The following SHC2 variants were observed in gnomAD, a reference collection of about 807,000 sequenced individuals.
The protein encoded by SHC2 is SHC-transforming protein 2.
In SHC2, 62 loss-of-function variants were observed where a neutral mutation model predicts 60.6. That is an observed-to-expected ratio of 1.02 (90% CI 0.83 to 1.26). SHC2 has a LOEUF of 1.26. Among genes scored for constraint, SHC2 ranks in the 50% most tolerant of loss-of-function variants. SHC2 has a pLI of 0.00. For synonymous variants in SHC2, 375 were observed against 372.4 expected (o/e 1.01, Z -0.08); for missense variants, 873 against 822.2 (o/e 1.06, Z -0.76).
rs1975047662 is a variant in SHC2, at chr19:446,231, C to T, written c.469-5299G>A. Among the ~76,000 whole-genome samples, 1 of 152,152 alleles carries T rather than the reference C, an allele frequency of 6.6e-6. No individual in the cohort carries two copies. On this transcript the variant is annotated intron_variant, in intron 1 of 12. Transcript: ENST00000264554. This position sits in a 1 kb window ranked among gnomAD's most constrained non-coding sequence, Gnocchi z 5.4. ...CAGCAGAAACCAGCCCTGCCCACAC[C>T]TTGGCTCGGACGTTGGGCCCCAGAA...
In SHC2 at chr19:440,183, CAG is replaced by C. The variant is rs1484357581; in HGVS notation, c.539+677_539+678del. ...TCCAGGACAGGCCGATCCACAGAGACAGGGAGGGGATGCGTGGGTGCCGGGGC... is the reference window on the plus strand; with the variant it reads ...TCCAGGACAGGCCGATCCACAGAGACGGAGGGGATGCGTGGGTGCCGGGGC... On this transcript the variant is annotated intron_variant, in intron 2 of 12. Coordinates refer to ENST00000264554, the MANE Select transcript of SHC2 (RefSeq NM_012435.3). This position sits in a 1 kb window ranked among gnomAD's most constrained non-coding sequence, Gnocchi z 7.0. Among the ~76,000 whole-genome samples the C allele has an allele frequency of 6.6e-6, 1 of 150,756 alleles. No individual in the cohort carries two copies. The highest frequency in any genetic ancestry group is 1.5e-5 in the Non-Finnish European group (1 of 67,794).
rs111851540 is a variant in SHC2 at position 434,476 on chromosome 19, G to A, written c.1110+233C>T. On this transcript the variant is annotated intron_variant, in intron 8 of 12. Coordinates refer to ENST00000264554, the MANE Select transcript of SHC2 (RefSeq NM_012435.3). ...AGATAGTGAGCAAGTGAGTGAGATC[G>A]TGAGTCTGTGAGTGAGTGAAATCAT... Among the ~76,000 whole-genome samples the A allele has an allele frequency of 3.3e-3, 437 of 133,332 alleles. 3 individuals are homozygous for A. The highest frequency in any genetic ancestry group is 0.011 in the African/African-American group (388 of 35,948). 87.5% of individuals were successfully genotyped at this position (133,332 alleles called of 152,430 possible).
chr19:434,624 G>A (rs1363552075), intron 8 of SHC2, 85 bp downstream of exon 8: 3 of 1,207,360 alleles, frequency 2.5e-6, no homozygotes, highest in Non-Finnish European at 3.2e-6. Flanking sequence ...AGGAGAACAG[G>A]AGCAGAAAGA....
chr19:449,557 T>C (rs2145745280), intron 1 of SHC2, among the ~76,000 whole-genome samples: 1 of 152,320 alleles, frequency 6.6e-6, no homozygotes, highest in African/African-American at 2.4e-5. Context: ...TTAGACTATA[T>C]ACCCTAGCGT....
rs1399442417 is a variant in SHC2 at position 417,334 on chromosome 19, AAG to A, written c.*6-14_*6-13del. The A allele has an allele frequency of 1.3e-5, 2 of 152,622 alleles. No individual in the cohort carries two copies. Among genetic ancestry groups the A allele is most frequent in the Non-Finnish European group, 2.9e-5 (2 of 68,384 alleles). 9.5% of individuals were successfully genotyped at this position (152,622 alleles called of 1,614,324 possible). ...CTGAGAACGGTCACCTGCGGGCAGA[AAG>A]AGAAGGCGAGGTCAGGGCTGAGACG... On this transcript the variant is annotated splice_polypyrimidine_tract_variant and intron_variant, in intron 12 of 12. Coordinates refer to ENST00000264554, the MANE Select transcript of SHC2 (RefSeq NM_012435.3).
In SHC2 at chr19:417,194, T is replaced by A. The variant is rs999034204; in HGVS notation, c.*134A>T. On this transcript the variant is annotated 3_prime_UTR_variant, in exon 13 of 13. Coordinates refer to ENST00000264554, the MANE Select transcript of SHC2 (RefSeq NM_012435.3). ...GAGGAAGGACCATGCCAGAGGCTCA[T>A]GCGGAGGAAGGAGAGGCAGCGGTGG... The A allele has an allele frequency of 6.5e-6, 1 of 152,864 alleles. No individual in the cohort carries two copies. The highest frequency in any genetic ancestry group is 2.4e-5 in the African/African-American group (1 of 41,418). 9.5% of individuals were successfully genotyped at this position (152,864 alleles called of 1,614,324 possible).
chr19:435,283 C>T (rs898683218), intron 7 of SHC2, among the ~76,000 whole-genome samples: 1 of 152,260 alleles, frequency 6.6e-6, no homozygotes, highest in Non-Finnish European at 1.5e-5. Context: ...GCAGGTGCTC[C>T]TCAGCAAGCA....
At chr19:458,749 G>A (rs1018269679) in intron 1 of SHC2, among the ~76,000 whole-genome samples, 1 of 146,826 alleles carries the variant, frequency 6.8e-6, no homozygotes, top group Admixed American at 6.8e-5. Context: ...GGAGGCGGAA[G>A]CGGGTCCCGG....
Position 454,603 on chromosome 19 carries a change from AG to A in SHC2, c.468+5925del, listed in dbSNP as rs1975287885. 4.6e-5 allele frequency among the ~76,000 whole-genome samples: 7 copies of A among 152,212 alleles called. No homozygotes were observed. The South Asian group carries it at 1.4e-3, about 31-fold the overall frequency. ...GGAGTTCAAGACCAGCCTGGCCAAC[AG>A]GGTGAAACCCCATCTCTACTGAAAA... On this transcript the variant is annotated intron_variant, in intron 1 of 12. Coordinates refer to ENST00000264554, the MANE Select transcript of SHC2 (RefSeq NM_012435.3).
At chr19:447,181 C>T (rs191750299) in intron 1 of SHC2, among the ~76,000 whole-genome samples, 161 of 152,298 alleles carry the variant, frequency 1.1e-3, no homozygotes, top group African/African-American at 3.7e-3. Context: ...GGCCATGGCA[C>T]GGACGCACCG....
rs1974830049 is a variant in SHC2 at position 440,205 on chromosome 19, C to T, written c.539+657G>A. Among the ~76,000 whole-genome samples the T allele has an allele frequency of 2.2e-5, 3 of 135,666 alleles. No homozygotes were observed. The highest frequency in any genetic ancestry group is 7.3e-5 in the Admixed American group (1 of 13,728). 89.0% of individuals were successfully genotyped at this position (135,666 alleles called of 152,430 possible). On this transcript the variant is annotated intron_variant, in intron 2 of 12. Coordinates refer to ENST00000264554, the MANE Select transcript of SHC2 (RefSeq NM_012435.3). The surrounding 1 kb of genome is among the most constrained non-coding windows in gnomAD (Gnocchi z 7.0). ...AGACAGGGAGGGGATGCGTGGGTGC[C>T]GGGGCTGGGGAGGGGACGGGGAGTG...
chr19:427,395 G>A (rs928694283), intron 9 of SHC2, among the ~76,000 whole-genome samples: 3 of 152,192 alleles, frequency 2.0e-5, no homozygotes, highest in Non-Finnish European at 4.4e-5. Context: ...GGCGCCTGCC[G>A]CGGAGCTACC....
intron 1 of SHC2, among the ~76,000 whole-genome samples, chr19:442,898 AATG>A (rs1974930324): frequency 9.9e-5 from 1 of 10,074 alleles, no homozygotes; most frequent in Non-Finnish European, 1.7e-4. Flanking sequence ...TGGGTGGATG[AATG>A]GATGGATGGA....
chr19:425,014 A>T lies in SHC2; in HGVS notation c.1309+83T>A. ...CCCCCATCAGACCAGGGAATCCCGT[A>T]GGGAGTGGGGGTGGGGTTGTGCCTC... is the stretch of plus-strand genomic sequence containing the variant. On this transcript the variant is annotated intron_variant, in intron 10 of 12. Transcript: ENST00000264554. This position sits in a 1 kb window ranked among gnomAD's most constrained non-coding sequence, Gnocchi z 4.1. The T allele has an allele frequency of 3.9e-6, 5 of 1,292,394 alleles. No homozygotes were observed. Among genetic ancestry groups the T allele is most frequent in the Non-Finnish European group, 5.0e-6 (5 of 996,632 alleles). The allele number at this position is 1,292,394 out of a possible 1,614,324, so 80.1% of individuals were successfully genotyped here. A position where few individuals can be genotyped will look rare whatever the true frequency, so the allele number is the denominator to read the frequency against.
rs1288070732 is a variant in SHC2, at chr19:440,084, C to T, written c.539+778G>A. Among the ~76,000 whole-genome samples the T allele has an allele frequency of 2.6e-5, 3 of 117,170 alleles. No individual in the cohort carries two copies. Among genetic ancestry groups the T allele is most frequent in the African/African-American group, 1.7e-4 (3 of 17,920 alleles). The allele number at this position is 117,170 out of a possible 152,430, so 76.9% of individuals were successfully genotyped here. A position where few individuals can be genotyped will look rare whatever the true frequency, so the allele number is the denominator to read the frequency against. Reference sequence around the variant, plus strand: ...CCCAGGCCACAGCGCGGACACACCTCGGGAACGCCATGCTCAGTGAGAGAC... The same window carrying T: ...CCCAGGCCACAGCGCGGACACACCTTGGGAACGCCATGCTCAGTGAGAGAC... On this transcript the variant is annotated intron_variant, in intron 2 of 12. Coordinates refer to ENST00000264554, the MANE Select transcript of SHC2 (RefSeq NM_012435.3). The surrounding 1 kb of genome is among the most constrained non-coding windows in gnomAD (Gnocchi z 7.0).
intron 1 of SHC2, among the ~76,000 whole-genome samples, chr19:444,910 G>A (rs1403666326): frequency 6.6e-6 from 1 of 152,210 alleles, no homozygotes; most frequent in Non-Finnish European, 1.5e-5. Context: ...GGCCCCTCGG[G>A]AAACAGGCCC....
intron 1 of SHC2, among the ~76,000 whole-genome samples, chr19:454,764 T>C (rs1158774670): frequency 6.6e-6 from 1 of 150,396 alleles, no homozygotes; most frequent in African/African-American, 2.5e-5. Context: ...CACTCCAGCC[T>C]CAGCAACAAG....
chr19:428,080 C>T (rs1974467411), intron 9 of SHC2, among the ~76,000 whole-genome samples: 1 of 152,148 alleles, frequency 6.6e-6, no homozygotes, highest in African/African-American at 2.4e-5. Context: ...TAAAAATGTG[C>T]TGGGTGCAGT....
At chr19:434,363 A>AGT (rs1974656901) in intron 8 of SHC2, among the ~76,000 whole-genome samples, 5 of 137,630 alleles carry the variant, frequency 3.6e-5, no homozygotes, top group African/African-American at 8.3e-5. Flanking sequence ...TGAGATCATG[A>AGT]GATCGTGAGT....
Sources: allele counts gnomAD v4.1 joint callset (sites outside exome capture counted in the v4.1 genomes callset), GRCh38; gene constraint gnomAD v4.1.1; non-coding constraint Gnocchi (gnomAD v3.1); transcripts MANE v1.5; gene names NCBI Gene and HGNC (gene_info 2026-07-23, HGNC 2026-07-21).